The following MYRF variants were observed in gnomAD, a reference collection of about 807,000 sequenced individuals.
The protein encoded by MYRF is myelin regulatory factor, also known as myelin gene regulatory factor.
MYRF carries 16 observed loss-of-function variants against 126.3 expected under a neutral mutation model. The ratio of observed to expected loss-of-function variants is 0.13; its 90% CI spans 0.09 to 0.19. The LOEUF (loss-of-function observed/expected upper bound fraction) is 0.19. Ranked by LOEUF, MYRF falls within the 10% of genes least tolerant of loss-of-function variation. The pLI, the probability that MYRF is intolerant of heterozygous loss-of-function variation, is 1.00. For synonymous variants in MYRF, 608 were observed against 635.3 expected, an observed-to-expected ratio of 0.96 and a Z score of 0.65; for missense variants, 1,104 against 1,547.0, an observed-to-expected ratio of 0.71 and a Z score of 4.80.
intron 25 of MYRF, 152 bp from the exon 26 acceptor site, chr11:61,785,648 C>A: frequency 1.5e-6 from 1 of 660,704 alleles, no homozygotes; most frequent in South Asian, 1.8e-5. Flanking sequence ...TCTGCCAAAG[C>A]AGAACATGCT....
At chr11:61,752,914 G>A in intron 1 of MYRF, 124 bp downstream of exon 1, 3 of 936,640 alleles carry the variant, frequency 3.2e-6, no homozygotes, top group Admixed American at 4.0e-5. Context: ...CTTCAGGCTG[G>A]CACCAGCCCG....
chr11:61,773,958 C>A lies in MYRF; in HGVS notation c.1116-9C>A, dbSNP rs779752658. On this transcript the variant is annotated splice_polypyrimidine_tract_variant and intron_variant, in intron 7 of 26. Transcript: ENST00000278836. ...GGCCTCAGGGGAGTGCCCTCACCCG[C>A]CCCCCCAGGCCCATGCTCACCTACC... 1.3e-6 allele frequency: 2 copies of A among 1,586,586 alleles called. No homozygotes were observed. Among genetic ancestry groups the A allele is most frequent in the Non-Finnish European group, 1.7e-6 (2 of 1,163,046 alleles).
rs1458887111 is a variant in MYRF, at chr11:61,787,214, G to A, written c.*1071G>A. On this transcript the variant is annotated 3_prime_UTR_variant, in exon 27 of 27. Transcript: ENST00000278836. The stretch of plus-strand genomic sequence containing the variant: ...AAGCTCAGAGTGGGCCAGAGCAGGG[G>A]TGTGACACTTGCAAAGACAGGGCTC... The A allele has an allele frequency of 6.6e-6, 1 of 152,574 alleles. No homozygotes were observed. The highest frequency in any genetic ancestry group is 2.4e-5 in the African/African-American group (1 of 41,442). The allele number at this position is 152,574 out of a possible 1,614,324, so 9.5% of individuals were successfully genotyped here.
rs534400107 is a variant in MYRF, at chr11:61,779,228, TTGGCCCA to T, written c.2014-9_2014-3del. 395 of 1,527,390 alleles carry T rather than the reference TTGGCCCA, an allele frequency of 2.6e-4. 2 individuals are homozygous for T. Among genetic ancestry groups the T allele is most frequent in the Middle Eastern group, 2.5e-3 (15 of 5,946 alleles). 94.6% of individuals were successfully genotyped at this position (1,527,390 alleles called of 1,614,324 possible). A position where few individuals can be genotyped will look rare whatever the true frequency, so the allele number is the denominator to read the frequency against. On this transcript the variant is annotated intron_variant, in intron 14 of 26. Transcript: ENST00000278836. ...CCCGGGGCTGACTGGGCCCTCTGTGTTGGCCCATGGCCCATGGCCCATGGCCCATGGC... is the reference window on the plus strand; with the variant it reads ...CCCGGGGCTGACTGGGCCCTCTGTGTTGGCCCATGGCCCATGGCCCATGGC...
chr11:61,786,302 T>C lies in MYRF; in HGVS notation c.*159T>C. The C allele has an allele frequency of 2.8e-6, 2 of 716,878 alleles. No homozygotes were observed. The highest frequency in any genetic ancestry group is 2.4e-5 in the Admixed American group (1 of 41,240). The allele number at this position is 716,878 out of a possible 1,614,324, so 44.4% of individuals were successfully genotyped here. ...GAAACTGGAAGTCTTCACACTGGAG[T>C]TGCTGTTCCAGCTGGTCGCCCCTCA... On this transcript the variant is annotated 3_prime_UTR_variant, in exon 27 of 27. Transcript: ENST00000278836. This position sits in a 1 kb window ranked among gnomAD's most constrained non-coding sequence, Gnocchi z 4.5.
chr11:61,779,596 G>C, intron 16 of MYRF, 26 bp downstream of exon 16: 1 of 1,471,942 alleles, frequency 6.8e-7, no homozygotes, highest in Non-Finnish European at 9.0e-7. Flanking sequence ...GATGGCAGGC[G>C]GGTTGGAAAG....
chr11:61,765,696 G>A lies in MYRF; in HGVS notation c.118G>A (p.Glu40Lys). Residue 40 changes from glutamate (E) to lysine (K), a missense_variant, in exon 2 of 27, where the codon GAG (glutamate) becomes AAG (lysine). Around this residue, in one of 10 missense-constraint regions of MYRF, gnomAD observed 368 missense variants for 403.9 expected, o/e 0.91. Transcript: ENST00000278836. ...CATCCTGGAGGAGTACATCAGCAAG[G>A]AGGATGCCTCCGACCTGTGAGTGGC... ...TSILEEYISK[E>K]DASDLCFPDI... The A allele has an allele frequency of 6.2e-7, 1 of 1,612,586 alleles. No homozygotes were observed.
In MYRF at chr11:61,777,660, C is replaced by T; in HGVS notation, c.1792-74C>T. The T allele has an allele frequency of 6.9e-7, 1 of 1,443,688 alleles. No individual in the cohort carries two copies. Among genetic ancestry groups the T allele is most frequent in the Non-Finnish European group, 9.5e-7 (1 of 1,057,222 alleles). 89.4% of individuals were successfully genotyped at this position (1,443,688 alleles called of 1,614,324 possible). A position where few individuals can be genotyped will look rare whatever the true frequency, so the allele number is the denominator to read the frequency against. ...CTCCACACTGCAGCCTCCAGGCTGC[C>T]GCCCTCCTGGGCTCCGGGGCCTGCT... On this transcript the variant is annotated intron_variant, in intron 12 of 26. Transcript: ENST00000278836. This position sits in a 1 kb window ranked among gnomAD's most constrained non-coding sequence, Gnocchi z 8.8.
Position 61,783,803 on chromosome 11 carries a change from G to A in MYRF, c.3120-48G>A, listed in dbSNP as rs1212500506. ...GCTGAGGAGTCCCTGGTGGGGGTGG[G>A]GGGTGGCAGGGTACCCTCAGGCTAA... On this transcript the variant is annotated intron_variant, in intron 23 of 26. Transcript: ENST00000278836. The surrounding 1 kb of genome is among the most constrained non-coding windows in gnomAD (Gnocchi z 4.6). 9 of 1,542,408 alleles carry A rather than the reference G, an allele frequency of 5.8e-6. No individual in the cohort carries two copies. The highest frequency in any genetic ancestry group is 1.4e-5 in the African/African-American group (1 of 73,268).
intron 1 of MYRF, 67 bp from the exon 2 acceptor site, chr11:61,765,558 G>A: frequency 2.3e-6 from 3 of 1,325,474 alleles, no homozygotes; most frequent in South Asian, 2.5e-5. Context: ...ATGGAGGGCT[G>A]GGCCCTGAAG....
intron 5 of MYRF, among the ~76,000 whole-genome samples, 197 bp from the exon 6 acceptor site, chr11:61,771,303 G>A (rs1168766196): frequency 6.6e-6 from 1 of 152,242 alleles, no homozygotes; most frequent in Admixed American, 6.5e-5. Context: ...AGCGAAGAGT[G>A]ACAGAAGCAG....
chr11:61,775,322 C>T (rs1352079139), intron 8 of MYRF, among the ~76,000 whole-genome samples: 2 of 152,170 alleles, frequency 1.3e-5, no homozygotes, highest in Admixed American at 6.5e-5. Context: ...GTGGTACCAT[C>T]GCAGCCCCCG....
chr11:61,752,718 C>T lies in MYRF; in HGVS notation c.-27C>T. On this transcript the variant is annotated 5_prime_UTR_variant, in exon 1 of 27. Coordinates refer to ENST00000278836, the MANE Select transcript of MYRF (RefSeq NM_001127392.3). ...GGGCCGGGCTGTAGCGGGGCCGCGG[C>T]TGGAGTGTGCGCCGGGCAGGCGGGA... The T allele has an allele frequency of 1.4e-6, 2 of 1,429,222 alleles. No homozygotes were observed. Among genetic ancestry groups the T allele is most frequent in the Non-Finnish European group, 1.8e-6 (2 of 1,096,230 alleles). The allele number at this position is 1,429,222 out of a possible 1,614,324, so 88.5% of individuals were successfully genotyped here. A position where few individuals can be genotyped will look rare whatever the true frequency, so the allele number is the denominator to read the frequency against.
chr11:61,755,831 C>A, intron 1 of MYRF: 1 of 472,340 alleles, frequency 2.1e-6, no homozygotes, highest in Non-Finnish European at 4.2e-6. Flanking sequence ...GTGCAGGGAG[C>A]CTTGGAGGAT....
At chr11:61,775,825 TG>T (rs1484937129) in intron 8 of MYRF, among the ~76,000 whole-genome samples, 1 of 115,914 alleles carries the variant, frequency 8.6e-6, no homozygotes, top group South Asian at 2.9e-4. Flanking sequence ...GTGCAGAAGT[TG>T]GGGGAGTGGT....
rs1207310709 is a variant in MYRF, at chr11:61,757,955, GGCT to G, written c.46+5166_46+5168del. ...CTCTCCTCCTGACATGCTGAGGGGT[GGCT>G]CCAGCACGGGTGGCCACGCCAGGTG... On this transcript the variant is annotated intron_variant, in intron 1 of 26. Transcript: ENST00000278836. This position sits in a 1 kb window ranked among gnomAD's most constrained non-coding sequence, Gnocchi z 4.7. Among the ~76,000 whole-genome samples the G allele has an allele frequency of 2.0e-5, 3 of 152,290 alleles. No individual in the cohort carries two copies. The East Asian group carries it at 5.8e-4, about 29-fold the overall frequency.
chr11:61,758,801 C>T (rs551963657), intron 1 of MYRF, among the ~76,000 whole-genome samples: 1 of 152,214 alleles, frequency 6.6e-6, no homozygotes, highest in African/African-American at 2.4e-5. Flanking sequence ...GGCTTTTGTC[C>T]CTTTTGCTCA....
chr11:61,778,450 C>T lies in MYRF; in HGVS notation c.1974C>T (p.Ala658=). 6.2e-7 allele frequency: 1 copy of T among 1,614,022 alleles called. No homozygotes were observed. The highest frequency in any genetic ancestry group is 1.3e-5 in the African/African-American group (1 of 75,036). ...AVKDTGDMVF[A]NGKTIENFLV... ...AAGACACCGGAGACATGGTCTTTGC[C>T]AATGGGAAAACCATAGAGAACTTCC... Residue 658 remains alanine, a synonymous_variant, in exon 14 of 27, where the codon GCC becomes GCT. Transcript: ENST00000278836. The surrounding 1 kb of genome is among the most constrained non-coding windows in gnomAD (Gnocchi z 4.6).
At position 61,786,105 on chromosome 11, in the gene MYRF, A is replaced by C. The variant is rs1213095107; in HGVS notation, c.3418A>C (p.Thr1140Pro). Residue 1140 changes from threonine (T) to proline (P), a missense_variant, in exon 27 of 27, where the codon ACA becomes CCA. By Grantham distance (38) the Thr-to-Pro change is conservative (BLOSUM62 -1). Around this residue, in one of 10 missense-constraint regions of MYRF, gnomAD observed 94 missense variants for 164.6 expected, o/e 0.57. Coordinates refer to ENST00000278836, the MANE Select transcript of MYRF (RefSeq NM_001127392.3). The surrounding 1 kb of genome is among the most constrained non-coding windows in gnomAD (Gnocchi z 4.5). The part of the protein sequence containing the change: ...CSSEALAQPA[T>P]DYHFHFYRLC... ...TTCAGAGGCTCTCGCCCAGCCAGCCACAGACTACCACTTCCACTTCTACCG... is the reference window on the plus strand; with the variant it reads ...TTCAGAGGCTCTCGCCCAGCCAGCCCCAGACTACCACTTCCACTTCTACCG... The C allele has an allele frequency of 6.2e-7, 1 of 1,614,168 alleles. No homozygotes were observed.
Sources: allele counts gnomAD v4.1 joint callset (sites outside exome capture counted in the v4.1 genomes callset), GRCh38; gene constraint gnomAD v4.1.1; regional missense constraint gnomAD v4.1.1; non-coding constraint Gnocchi (gnomAD v3.1); transcripts MANE v1.5; gene names NCBI Gene and HGNC (gene_info 2026-07-23, HGNC 2026-07-21).